The following PTPRZ1 variants were observed in gnomAD, a reference collection of about 807,000 sequenced individuals.
PTPRZ1 encodes the protein receptor-type tyrosine-protein phosphatase zeta.
Under a neutral mutation model 214.1 loss-of-function variants are expected in PTPRZ1, and 82 were observed. The ratio of observed to expected loss-of-function variants is 0.38; its 90% CI spans 0.32 to 0.46. PTPRZ1 has a LOEUF of 0.46. Among genes scored for constraint, PTPRZ1 ranks in the 20% least tolerant of loss-of-function variants. The pLI is 1.00. For synonymous variants in PTPRZ1, 945 were observed against 987.9 expected (o/e 0.96, Z 0.81); for missense variants, 2,603 against 2,748.7 (o/e 0.95, Z 1.19).
At chr7:121,960,147 TC>T (rs1180396398) in intron 2 of PTPRZ1, among the ~76,000 whole-genome samples, 1 of 152,234 alleles carries the variant, frequency 6.6e-6, no homozygotes, top group Non-Finnish European at 1.5e-5. Flanking sequence ...CCAGGGATTC[TC>T]CTGCCTCAGC....
intron 18 of PTPRZ1, among the ~76,000 whole-genome samples, chr7:122,037,967 G>A (rs181642859): frequency 9.3e-4 from 142 of 152,270 alleles, no homozygotes; most frequent in African/African-American, 2.6e-3. Flanking sequence ...AGTTCTGCAT[G>A]GCTAGGGAGG....
chr7:122,002,559 T>C (rs1292783049), intron 10 of PTPRZ1, among the ~76,000 whole-genome samples: 1 of 151,988 alleles, frequency 6.6e-6, no homozygotes, highest in Non-Finnish European at 1.5e-5. Flanking sequence ...TCTGGTAAAA[T>C]GATAAAAATA....
rs140722724 is a variant in PTPRZ1 at position 121,913,974 on chromosome 7, G to T, written c.59-14182G>T. 2.2e-3 allele frequency among the ~76,000 whole-genome samples: 339 copies of T among 152,228 alleles called. 2 individuals are homozygous for T. Among genetic ancestry groups the T allele is most frequent in the African/African-American group, 7.6e-3 (314 of 41,542 alleles). ...CACAGTCTGTATTCATTTTTTAATTGCATACCTTATCCTTTTTATCTCTGT... is the reference window on the plus strand; with the variant it reads ...CACAGTCTGTATTCATTTTTTAATTTCATACCTTATCCTTTTTATCTCTGT... On this transcript the variant is annotated intron_variant, in intron 1 of 29. Transcript: ENST00000393386.
rs1336478728 is a variant in PTPRZ1, at chr7:121,919,681, A to G, written c.59-8475A>G. On this transcript the variant is annotated intron_variant, in intron 1 of 29. Coordinates refer to ENST00000393386, the MANE Select transcript of PTPRZ1 (RefSeq NM_002851.3). Reference sequence around the variant, plus strand: ...AAGTACAATTTAATTTTTTTCACAAATAGTGTTCCCAACCTTTGAACCTTC... The same window carrying G: ...AAGTACAATTTAATTTTTTTCACAAGTAGTGTTCCCAACCTTTGAACCTTC... Among the ~76,000 whole-genome samples, 3 of 152,162 alleles carry G rather than the reference A, an allele frequency of 2.0e-5. No homozygotes were observed. The East Asian group carries it at 5.8e-4, about 29-fold the overall frequency.
At chr7:121,928,053 A>G (rs1795815569) in intron 1 of PTPRZ1, 103 bp from the exon 2 acceptor site, 1 of 787,972 alleles carries the variant, frequency 1.3e-6, no homozygotes, top group South Asian at 1.6e-5. Flanking sequence ...TGACATGGAA[A>G]GGAGTAATCA....
intron 23 of PTPRZ1, among the ~76,000 whole-genome samples, chr7:122,050,918 G>A (rs1792160048): frequency 1.3e-5 from 2 of 152,142 alleles, no homozygotes; most frequent in Non-Finnish European, 2.9e-5. Flanking sequence ...GAGACATACA[G>A]GAGATGCTCA....
chr7:121,954,336 C>G (rs2116466320), intron 2 of PTPRZ1, among the ~76,000 whole-genome samples: 1 of 152,324 alleles, frequency 6.6e-6, no homozygotes, highest in South Asian at 2.1e-4. Context: ...TTTATTCTTA[C>G]AGCCCCTCCA....
rs565816228 is a variant in PTPRZ1 at position 121,969,859 on chromosome 7, T to A, written c.304+1729T>A. ...GGTACATGTGCACAACATGCAGGTT[T>A]GTTACATATGTATACATGTGCCATG... is the stretch of plus-strand genomic sequence containing the variant. On this transcript the variant is annotated intron_variant, in intron 3 of 29. Coordinates refer to ENST00000393386, the MANE Select transcript of PTPRZ1 (RefSeq NM_002851.3). Among the ~76,000 whole-genome samples the A allele has an allele frequency of 2.4e-3, 371 of 151,908 alleles. 3 individuals are homozygous for A. Among genetic ancestry groups the A allele is most frequent in the Non-Finnish European group, 4.2e-3 (287 of 67,936 alleles).
chr7:121,997,842 G>T, intron 9 of PTPRZ1, 38 bp from the exon 10 acceptor site: 2 of 1,571,874 alleles, frequency 1.3e-6, no homozygotes, highest in South Asian at 1.1e-5. Flanking sequence ...AGTCCTATGA[G>T]AATAACATTT....
chr7:121,954,671 G>A (rs1319244173), intron 2 of PTPRZ1, among the ~76,000 whole-genome samples: 2 of 151,964 alleles, frequency 1.3e-5, no homozygotes, highest in Non-Finnish European at 2.9e-5. Flanking sequence ...TTTGATGATG[G>A]CACTTTTATT....
At chr7:121,979,303 G>A (rs1436942430) in intron 6 of PTPRZ1, among the ~76,000 whole-genome samples, 1 of 152,070 alleles carries the variant, frequency 6.6e-6, no homozygotes, top group African/African-American at 2.4e-5. Context: ...GCAATACTGA[G>A]ATAATGAATT....
intron 2 of PTPRZ1, among the ~76,000 whole-genome samples, chr7:121,962,905 T>A (rs1796925317): frequency 6.6e-6 from 1 of 152,168 alleles, no homozygotes; most frequent in South Asian, 2.1e-4. Context: ...ATTTCCTTTG[T>A]TTTTCTACTC....
chr7:121,922,827 T>C (rs977738871), intron 1 of PTPRZ1, among the ~76,000 whole-genome samples: 5 of 152,170 alleles, frequency 3.3e-5, no homozygotes. Context: ...TACCTATATT[T>C]CTTCACAAGC....
intron 2 of PTPRZ1, among the ~76,000 whole-genome samples, chr7:121,937,076 T>C (rs765664840): frequency 3.3e-5 from 5 of 152,242 alleles, no homozygotes; most frequent in Non-Finnish European, 7.3e-5. Flanking sequence ...CAAACTGTTA[T>C]AGACTGTTAT....
chr7:121,964,833 T>C (rs1359939711), intron 2 of PTPRZ1, among the ~76,000 whole-genome samples: 2 of 152,082 alleles, frequency 1.3e-5, no homozygotes, highest in African/African-American at 4.8e-5. Context: ...TGGAGAGTAT[T>C]GCGGGAATAG....
At chr7:121,932,574 C>T (rs1795956241) in intron 2 of PTPRZ1, among the ~76,000 whole-genome samples, 1 of 152,064 alleles carries the variant, frequency 6.6e-6, no homozygotes, top group South Asian at 2.1e-4. Flanking sequence ...AAATTAGTGG[C>T]AATCACGGAA....
rs555596894 is a variant in PTPRZ1 at position 122,034,430 on chromosome 7, G to A, written c.5284+52G>A. The A allele has an allele frequency of 3.6e-4, 568 of 1,558,930 alleles. 10 individuals are homozygous for A. The South Asian group carries it at 6.1e-3, about 17-fold the overall frequency. ...ACTTCAATATCATTGCCATTTTGGT[G>A]CCTTTTAAAAGTGTCCTGAAGTCAT... is the stretch of plus-strand genomic sequence containing the variant. On this transcript the variant is annotated intron_variant, in intron 17 of 29. Coordinates refer to ENST00000393386, the MANE Select transcript of PTPRZ1 (RefSeq NM_002851.3).
chr7:121,999,929 G>A (rs564089877), intron 10 of PTPRZ1, among the ~76,000 whole-genome samples: 10 of 152,000 alleles, frequency 6.6e-5, no homozygotes, highest in South Asian at 2.1e-4. Flanking sequence ...TTAAAGGACC[G>A]GGACACTATT....
intron 18 of PTPRZ1, among the ~76,000 whole-genome samples, chr7:122,037,075 A>G (rs1799569082): frequency 1.3e-5 from 2 of 151,804 alleles, no homozygotes; most frequent in African/African-American, 4.8e-5. Flanking sequence ...GATCGAGACC[A>G]TCCTAGCTAA....
Sources: allele counts gnomAD v4.1 joint callset (sites outside exome capture counted in the v4.1 genomes callset), GRCh38; gene constraint gnomAD v4.1.1; transcripts MANE v1.5; gene names NCBI Gene and HGNC (gene_info 2026-07-23, HGNC 2026-07-21).